CASZ1: variants seen among roughly 807,000 people sequenced by gnomAD.
CASZ1 encodes castor zinc finger 1.
In CASZ1, 28 loss-of-function variants were observed where a neutral mutation model predicts 135.2. The observed-to-expected ratio is 0.21, with a 90% CI of 0.15 to 0.28. The LOEUF is 0.28. Among genes scored for constraint, CASZ1 ranks in the 10% least tolerant of loss-of-function variants. CASZ1 has a pLI of 1.00. For synonymous variants in CASZ1, 1,068 were observed against 1,073.4 expected (o/e 0.99, Z 0.10); for missense variants, 2,161 against 2,453.3 (o/e 0.88, Z 2.52).
At chr1:10,704,850 C>T (rs1384566545) in intron 3 of CASZ1, among the ~76,000 whole-genome samples, 2 of 152,244 alleles carry the variant, frequency 1.3e-5, no homozygotes, top group Non-Finnish European at 1.5e-5. Flanking sequence ...GCCACCACCC[C>T]GGGGACTGAC....
chr1:10,765,670 C>T (rs1640462470), intron 1 of CASZ1, among the ~76,000 whole-genome samples: 1 of 152,182 alleles, frequency 6.6e-6, no homozygotes, highest in Non-Finnish European at 1.5e-5. Flanking sequence ...ACCTGGGACC[C>T]TTTAGATTTC....
At chr1:10,645,245 G>T (rs553283221) in intron 17 of CASZ1, among the ~76,000 whole-genome samples, 157 bp from the exon 18 acceptor site, 2 of 152,172 alleles carry the variant, frequency 1.3e-5, no homozygotes, top group African/African-American at 4.8e-5. Flanking sequence ...AAAAAGCAGC[G>T]CAGGGCCGGG....
intron 1 of CASZ1, among the ~76,000 whole-genome samples, chr1:10,766,566 G>A (rs1308713607): frequency 6.6e-6 from 1 of 152,164 alleles, no homozygotes; most frequent in Non-Finnish European, 1.5e-5. Flanking sequence ...AAAGGTGGGG[G>A]AAGGTGAAGC....
intron 4 of CASZ1, among the ~76,000 whole-genome samples, chr1:10,680,279 G>A (rs1245076168): frequency 1.4e-5 from 2 of 143,636 alleles, no homozygotes; most frequent in Non-Finnish European, 3.1e-5. Flanking sequence ...GCGGGGCGGC[G>A]GGGGATGGTG....
intron 4 of CASZ1, among the ~76,000 whole-genome samples, chr1:10,668,872 G>A (rs1353209716): frequency 6.6e-6 from 1 of 152,250 alleles, no homozygotes; most frequent in Non-Finnish European, 1.5e-5. Flanking sequence ...GGCAGATGTG[G>A]TGCCACACGT....
chr1:10,773,149 A>C (rs1241472945), intron 1 of CASZ1, among the ~76,000 whole-genome samples: 1 of 152,088 alleles, frequency 6.6e-6, no homozygotes, highest in Non-Finnish European at 1.5e-5. Flanking sequence ...CTTCAATCAG[A>C]AAGGAAAGCT....
intron 2 of CASZ1, among the ~76,000 whole-genome samples, chr1:10,710,280 A>G (rs1429423698): frequency 6.6e-6 from 1 of 152,032 alleles, no homozygotes; most frequent in Admixed American, 6.5e-5. Flanking sequence ...ATGTTGCCCT[A>G]TGTGGTCCCC....
intron 2 of CASZ1, among the ~76,000 whole-genome samples, chr1:10,754,612 A>G (rs1336380651): frequency 6.6e-6 from 1 of 152,124 alleles, no homozygotes; most frequent in Non-Finnish European, 1.5e-5. Context: ...TTTCACTAGG[A>G]TGCATTTCCA....
rs75587786 is a variant in CASZ1, at chr1:10,777,321, C to T, written c.-233-16464G>A. ...TATGAGGACCACGGAGAGGGGCGTC[C>T]GAGTCCTGGGCCAGGCCACCTCTGA... On this transcript the variant is annotated intron_variant, in intron 1 of 20. Transcript: ENST00000377022. This position sits in a 1 kb window ranked among gnomAD's most constrained non-coding sequence, Gnocchi z 4.4. Among the ~76,000 whole-genome samples, 10,591 of 152,168 alleles carry T rather than the reference C, an allele frequency of 0.07. 555 individuals are homozygous for T. Among genetic ancestry groups the T allele is most frequent in the African/African-American group, 0.14 (5,898 of 41,458 alleles).
intron 1 of CASZ1, among the ~76,000 whole-genome samples, chr1:10,765,238 G>T (rs1640452056): frequency 6.6e-6 from 1 of 152,134 alleles, no homozygotes; most frequent in Non-Finnish European, 1.5e-5. Flanking sequence ...GGAAGTGGTA[G>T]GGAAAGATTT....
chr1:10,722,146 G>A (rs1313081865), intron 2 of CASZ1, among the ~76,000 whole-genome samples: 1 of 152,224 alleles, frequency 6.6e-6, no homozygotes, highest in Non-Finnish European at 1.5e-5. Flanking sequence ...AGCTGTCACA[G>A]CCACCGTCTC....
chr1:10,746,637 C>A (rs1041826790), intron 2 of CASZ1, among the ~76,000 whole-genome samples: 1 of 152,326 alleles, frequency 6.6e-6, no homozygotes, highest in Non-Finnish European at 1.5e-5. Context: ...ACCTTGCACC[C>A]CAACCAAGGG....
At chr1:10,729,010 C>T (rs913328322) in intron 2 of CASZ1, among the ~76,000 whole-genome samples, 8 of 151,680 alleles carry the variant, frequency 5.3e-5, no homozygotes, top group Non-Finnish European at 1.0e-4. Flanking sequence ...GTCACTCTCA[C>T]GGTGCCCGGA....
intron 3 of CASZ1, among the ~76,000 whole-genome samples, chr1:10,702,617 C>G (rs1016194863): frequency 6.6e-6 from 1 of 151,778 alleles, no homozygotes; most frequent in African/African-American, 2.4e-5. Flanking sequence ...GAGAGGGAGA[C>G]GCGGGGCTGG....
intron 18 of CASZ1, among the ~76,000 whole-genome samples, chr1:10,643,675 G>A (rs943329312): frequency 1.3e-5 from 2 of 152,174 alleles, no homozygotes; most frequent in African/African-American, 4.8e-5. Flanking sequence ...CATCTCTGCT[G>A]GGGAGCCCGG....
chr1:10,667,771 G>A (rs1232553639), intron 4 of CASZ1, among the ~76,000 whole-genome samples: 4 of 152,154 alleles, frequency 2.6e-5, no homozygotes, highest in African/African-American at 4.8e-5. Flanking sequence ...AAGCTCCCAG[G>A]GCCGCACTTG....
At chr1:10,736,292 C>A (rs565254496) in intron 2 of CASZ1, among the ~76,000 whole-genome samples, 1 of 152,210 alleles carries the variant, frequency 6.6e-6, no homozygotes. Context: ...AGAACACACA[C>A]GTAACTCTGG....
At position 10,701,559 on chromosome 1, in the gene CASZ1, T is replaced by C. The variant is rs1369807881; in HGVS notation, c.-24+3933A>G. ...GGGGGGCGCGGTCAGAAGAAGGAGA[T>C]AACGGGCAAAGGGCTGGAGGGAGAA... On this transcript the variant is annotated intron_variant, in intron 3 of 20. Coordinates refer to ENST00000377022, the MANE Select transcript of CASZ1 (RefSeq NM_001079843.3). This position sits in a 1 kb window ranked among gnomAD's most constrained non-coding sequence, Gnocchi z 6.3. 6.6e-6 allele frequency among the ~76,000 whole-genome samples: 1 copy of C among 151,992 alleles called. No individual in the cohort carries two copies. Among genetic ancestry groups the C allele is most frequent in the Non-Finnish European group, 1.5e-5 (1 of 67,994 alleles).
At position 10,711,229 on chromosome 1, in the gene CASZ1, G is replaced by A. The variant is rs770550333; in HGVS notation, c.-76-5685C>T. ...TGCCTCCTGCCATGCAATTGGGTAC[G>A]CAGGCTGCTTAACCTCTCCAGGCCC... On this transcript the variant is annotated intron_variant, in intron 2 of 20. Transcript: ENST00000377022. This position sits in a 1 kb window ranked among gnomAD's most constrained non-coding sequence, Gnocchi z 4.4. Among the ~76,000 whole-genome samples, 5 of 152,214 alleles carry A rather than the reference G, an allele frequency of 3.3e-5. No homozygotes were observed. Among genetic ancestry groups the A allele is most frequent in the Admixed American group, 1.3e-4 (2 of 15,272 alleles).
Sources: gnomAD v4.1 joint callset for allele counts (sites outside exome capture counted in the v4.1 genomes callset) on GRCh38, gnomAD v4.1.1 for gene constraint, Gnocchi (gnomAD v3.1) non-coding constraint, MANE v1.5 for transcripts, NCBI Gene and HGNC (gene_info 2026-07-23, HGNC 2026-07-21) for gene names.